Variants in LHX2 observed in about 807,000 individuals in gnomAD.
The protein encoded by LHX2 is LIM/homeobox protein Lhx2.
LHX2 carries 6 observed loss-of-function variants against 33.0 expected under a neutral mutation model. The ratio of observed to expected loss-of-function variants is 0.18; its 90% CI spans 0.10 to 0.36. The LOEUF is 0.36. Ranked by LOEUF, LHX2 falls within the 10% of genes least tolerant of loss-of-function variation. The probability of loss-of-function intolerance (pLI) is 1.00; values close to 1 mark genes in which losing one functional copy is unlikely to be tolerated. For missense variants in LHX2, 442 were observed against 586.2 expected (o/e 0.75, Z 2.54); for synonymous variants, 292 against 253.1 (o/e 1.15, Z -1.46).
intron 4 of LHX2, among the ~76,000 whole-genome samples, chr9:124,022,295 A>C (rs1371943081): frequency 6.6e-6 from 1 of 152,214 alleles, no homozygotes; most frequent in East Asian, 1.9e-4. Context: ...CTGTGGTGCG[A>C]CCTGACACTT....
At position 124,012,403 on chromosome 9, in the gene LHX2, G is replaced by A. The variant is rs752934468; in HGVS notation, c.55G>A (p.Asp19Asn). Residue 19 changes from aspartate to asparagine, a missense_variant, in exon 1 of 5, where the codon GAC becomes AAC. This residue lies in a region of LHX2 where 97 missense variants were observed against 81.5 expected (regional missense o/e 1.19). Transcript: ENST00000373615. The surrounding 1 kb of genome is among the most constrained non-coding windows in gnomAD (Gnocchi z 4.3). The part of the protein sequence containing the change: ...PEVHGVIDEM[D>N]RRAKSEAPAI... The stretch of plus-strand genomic sequence containing the variant: ...GGTGCACGGGGTCATCGACGAGATG[G>A]ACCGCAGGGCCAAGAGCGAGGCTCC... The A allele has an allele frequency of 5.2e-6, 8 of 1,534,988 alleles. 1 individual carries two copies. The South Asian group carries it at 9.6e-5, about 18-fold the overall frequency.
chr9:124,030,627 C>CTTTTTTTTTTTTTTTTT (rs35399092), intron 4 of LHX2, among the ~76,000 whole-genome samples: 1 of 105,602 alleles, frequency 9.5e-6, no homozygotes, highest in Non-Finnish European at 1.8e-5. Context: ...TTTTTCTTTT[C>CTTTTTTTTTTTTTTTTT]TTTTTTTTTT....
intron 4 of LHX2, chr9:124,021,699 A>G: frequency 5.7e-6 from 1 of 175,492 alleles, no homozygotes; most frequent in Non-Finnish European, 1.2e-5. Flanking sequence ...GCCCCACCCC[A>G]TCCCAGGACG....
rs773052143 is a variant in LHX2 at position 124,014,640 on chromosome 9, T to C, written c.323+477T>C. On this transcript the variant is annotated intron_variant, in intron 2 of 4. Coordinates refer to ENST00000373615, the MANE Select transcript of LHX2 (RefSeq NM_004789.4). The surrounding 1 kb of genome is among the most constrained non-coding windows in gnomAD (Gnocchi z 4.8). ...AAGATCAAAGAACCAGAATCACTAG[T>C]AGACTCCAAGTTCTCTGTTTCTCCT... Among the ~76,000 whole-genome samples the C allele has an allele frequency of 6.6e-6, 1 of 152,222 alleles. No homozygotes were observed. The highest frequency in any genetic ancestry group is 1.5e-5 in the Non-Finnish European group (1 of 68,042).
chr9:124,032,980 G>A lies in LHX2; in HGVS notation c.*273G>A. 3.2e-6 allele frequency: 1 copy of A among 314,362 alleles called. No homozygotes were observed. The highest frequency in any genetic ancestry group is 2.1e-5 in the African/African-American group (1 of 46,874). 19.5% of individuals were successfully genotyped at this position (314,362 alleles called of 1,614,324 possible). The stretch of plus-strand genomic sequence containing the variant: ...GAAAAACAACAAATAATTTAAGTTG[G>A]CTAGAGCTTCTGTATTTTCAAAGAC... On this transcript the variant is annotated 3_prime_UTR_variant, in exon 5 of 5. Transcript: ENST00000373615. The surrounding 1 kb of genome is among the most constrained non-coding windows in gnomAD (Gnocchi z 4.1).
chr9:124,015,483 A>G lies in LHX2; in HGVS notation c.685A>G (p.Lys229Glu), dbSNP rs1859171869. The G allele has an allele frequency of 6.7e-7, 1 of 1,488,558 alleles. No homozygotes were observed. The highest frequency in any genetic ancestry group is 1.4e-5 in the South Asian group (1 of 72,758). The allele number at this position is 1,488,558 out of a possible 1,614,324, so 92.2% of individuals were successfully genotyped here. Residue 229 changes from lysine (K) to glutamate (E), a missense_variant, in exon 3 of 5, where the codon AAG becomes GAG. Lys to Glu is a moderately conservative substitution (Grantham distance 56). Around this residue, in one of 5 missense-constraint regions of LHX2, gnomAD observed 132 missense variants for 139.1 expected, o/e 0.95. Transcript: ENST00000373615. This position sits in a 1 kb window ranked among gnomAD's most constrained non-coding sequence, Gnocchi z 7.9. ...TVQKGRPRKR[K>E]SPGPGADLAA... ...GCAGAAGGGGCGGCCGAGGAAACGT[A>G]AGAGCCCGGGCCCCGGTGCGGATCT...
rs763561790 is a variant in LHX2, at chr9:124,032,739, T to TA, written c.*38dup. On this transcript the variant is annotated 3_prime_UTR_variant, in exon 5 of 5. Coordinates refer to ENST00000373615, the MANE Select transcript of LHX2 (RefSeq NM_004789.4). This position sits in a 1 kb window ranked among gnomAD's most constrained non-coding sequence, Gnocchi z 4.1. ...GCAACCCCTCACCCCACAATTTCTT[T>TA]AAAAAAGAAATTATCTTTAGTTGAA... 3.9e-6 allele frequency: 6 copies of TA among 1,519,994 alleles called. No homozygotes were observed. In the East Asian group the frequency reaches 7.0e-5, roughly 18 times the overall value. 94.2% of individuals were successfully genotyped at this position (1,519,994 alleles called of 1,614,324 possible). A position where few individuals can be genotyped will look rare whatever the true frequency, so the allele number is the denominator to read the frequency against.
chr9:124,025,664 C>T (rs908306005), intron 4 of LHX2, among the ~76,000 whole-genome samples: 3 of 152,040 alleles, frequency 2.0e-5, no homozygotes, highest in African/African-American at 7.3e-5. Context: ...TGGAAGAAAA[C>T]ACATTTTAAC....
rs772563433 is a variant in LHX2, at chr9:124,032,552, G to A, written c.1066G>A (p.Ala356Thr). ...GGGCCCGGCCTCGGAGCTCTCCAAC[G>A]CCTCGCTCAGCCCCTCCAGCACGCC... Reference protein sequence around the residue: ...PSGPASELSNASLSPSSTPTT... With the variant: ...PSGPASELSNTSLSPSSTPTT... Residue 356 changes from alanine (A) to threonine (T), a missense_variant, in exon 5 of 5, where the codon GCC (alanine) becomes ACC (threonine). Ala to Thr is a moderately conservative substitution (Grantham distance 58). Coordinates refer to ENST00000373615, the MANE Select transcript of LHX2 (RefSeq NM_004789.4). The surrounding 1 kb of genome is among the most constrained non-coding windows in gnomAD (Gnocchi z 4.1). 6.2e-6 allele frequency: 10 copies of A among 1,614,042 alleles called. No individual in the cohort carries two copies. Among genetic ancestry groups the A allele is most frequent in the Non-Finnish European group, 8.5e-6 (10 of 1,179,994 alleles).
intron 4 of LHX2, 99 bp downstream of exon 4, chr9:124,021,403 T>A: frequency 1.0e-6 from 1 of 970,494 alleles, no homozygotes; most frequent in South Asian, 1.5e-5. Context: ...TTCCACCCTG[T>A]GTCTGCTTCT....
Position 124,013,943 on chromosome 9 carries a change from G to C in LHX2, c.121-18G>C, listed in dbSNP as rs768022983. On this transcript the variant is annotated intron_variant, in intron 1 of 4. Transcript: ENST00000373615. ...GCTGACGCAGGCGCTGCTGTCTTCC[G>C]CCTCCCTCCCTTCGCAGACCATGCC... The C allele has an allele frequency of 6.2e-7, 1 of 1,607,232 alleles. No homozygotes were observed. Among genetic ancestry groups the C allele is most frequent in the Admixed American group, 1.7e-5 (1 of 59,900 alleles).
chr9:124,023,811 G>T (rs1828559827), intron 4 of LHX2, among the ~76,000 whole-genome samples: 1 of 152,164 alleles, frequency 6.6e-6, no homozygotes, highest in Non-Finnish European at 1.5e-5. Flanking sequence ...CCATGGTCCT[G>T]GCCCTGAGGA....
At chr9:124,028,357 C>T (rs1828659177) in intron 4 of LHX2, among the ~76,000 whole-genome samples, 1 of 152,138 alleles carries the variant, frequency 6.6e-6, no homozygotes, top group Non-Finnish European at 1.5e-5. Context: ...CCTTCTTGTC[C>T]CAGACACACA....
chr9:124,031,508 G>A (rs1372666542), intron 4 of LHX2: 1 of 152,072 alleles, frequency 6.6e-6, no homozygotes, highest in African/African-American at 2.4e-5. Flanking sequence ...ATCAAGATTT[G>A]TCTGGTGTGT....
chr9:124,019,796 C>T (rs925266552), intron 3 of LHX2, among the ~76,000 whole-genome samples: 4 of 152,208 alleles, frequency 2.6e-5, no homozygotes, highest in African/African-American at 4.8e-5. Flanking sequence ...ACCGAATGTA[C>T]ACCCCTTATG....
chr9:124,020,186 A>G (rs1000738283), intron 3 of LHX2, among the ~76,000 whole-genome samples: 3 of 152,174 alleles, frequency 2.0e-5, no homozygotes, highest in Non-Finnish European at 2.9e-5. Flanking sequence ...GGGAATAGTC[A>G]TAGCCACCTC....
chr9:124,030,888 C>T (rs564296746), intron 4 of LHX2, among the ~76,000 whole-genome samples: 116 of 152,218 alleles, frequency 7.6e-4, no homozygotes, highest in African/African-American at 2.5e-3. Context: ...CTGCCTCGGC[C>T]TCCCAAAGTG....
intron 4 of LHX2, among the ~76,000 whole-genome samples, chr9:124,024,310 T>G (rs1425848531): frequency 1.3e-5 from 2 of 152,272 alleles, no homozygotes; most frequent in African/African-American, 4.8e-5. Context: ...ATGAGAAGCT[T>G]AAGACCTAGT....
At chr9:124,019,977 G>T (rs1588348101) in intron 3 of LHX2, among the ~76,000 whole-genome samples, 1 of 152,286 alleles carries the variant, frequency 6.6e-6, no homozygotes, top group South Asian at 2.1e-4. Flanking sequence ...CCAGGCATTG[G>T]CAGCGTGGCC....
Sources: allele counts gnomAD v4.1 joint callset (sites outside exome capture counted in the v4.1 genomes callset), GRCh38; gene constraint gnomAD v4.1.1; regional missense constraint gnomAD v4.1.1; non-coding constraint Gnocchi (gnomAD v3.1); transcripts MANE v1.5; gene names NCBI Gene and HGNC (gene_info 2026-07-23, HGNC 2026-07-21).